FBXW7: variants seen among roughly 807,000 people sequenced by gnomAD.
FBXW7 encodes F-box and WD repeat domain containing 7.
Under a neutral mutation model 86.3 loss-of-function variants are expected in FBXW7, and 11 were observed. That is an observed-to-expected ratio of 0.13 (90% CI 0.08 to 0.21). The LOEUF (loss-of-function observed/expected upper bound fraction) is 0.21. FBXW7 is among the 10% of genes least tolerant of loss of function. The probability of loss-of-function intolerance (pLI) is 1.00; values close to 1 mark genes in which losing one functional copy is unlikely to be tolerated. For synonymous variants in FBXW7, 313 were observed against 297.9 expected (o/e 1.05, Z -0.52); for missense variants, 488 against 847.4 (o/e 0.58, Z 5.27).
intron 2 of FBXW7, among the ~76,000 whole-genome samples, chr4:152,508,873 GAA>G (rs1236974548): frequency 6.6e-6 from 1 of 151,824 alleles, no homozygotes; most frequent in Non-Finnish European, 1.5e-5. Context: ...CCACCTTAAC[GAA>G]AGGAACTGAA....
chr4:152,514,866 A>C (rs1748323749), intron 2 of FBXW7, among the ~76,000 whole-genome samples: 1 of 152,182 alleles, frequency 6.6e-6, no homozygotes, highest in Non-Finnish European at 1.5e-5. Context: ...ATTTACAGCA[A>C]CACAAAAAGA....
intron 2 of FBXW7, among the ~76,000 whole-genome samples, chr4:152,505,491 T>C (rs530479201): frequency 3.3e-5 from 5 of 152,218 alleles, no homozygotes; most frequent in Non-Finnish European, 7.3e-5. Context: ...CCTTATATCC[T>C]TATTTTATAA....
At chr4:152,501,244 C>T (rs1746920176) in intron 2 of FBXW7, among the ~76,000 whole-genome samples, 1 of 152,194 alleles carries the variant, frequency 6.6e-6, no homozygotes, top group Non-Finnish European at 1.5e-5. Flanking sequence ...TAGCAGAATG[C>T]ACTTTGGAAA....
intron 2 of FBXW7, among the ~76,000 whole-genome samples, chr4:152,470,820 T>A (rs1321775791): frequency 6.6e-6 from 1 of 152,154 alleles, no homozygotes; most frequent in East Asian, 1.9e-4. Flanking sequence ...TCACGGAGAT[T>A]AAGTCATCTG....
chr4:152,520,665 T>TA (rs1022952468), intron 2 of FBXW7, among the ~76,000 whole-genome samples: 8 of 152,228 alleles, frequency 5.3e-5, no homozygotes, highest in African/African-American at 1.9e-4. Context: ...GTAAAAATGA[T>TA]ACTACATATT....
chr4:152,498,987 CAG>C (rs1425117197), intron 2 of FBXW7, among the ~76,000 whole-genome samples: 18 of 152,122 alleles, frequency 1.2e-4, no homozygotes, highest in Middle Eastern at 3.4e-3. Flanking sequence ...AAGCTATAAA[CAG>C]AATCTATTTG....
intron 2 of FBXW7, among the ~76,000 whole-genome samples, chr4:152,513,984 T>C (rs1272442714): frequency 2.0e-5 from 3 of 152,260 alleles, no homozygotes; most frequent in African/African-American, 7.2e-5. Flanking sequence ...TACACTGATT[T>C]CAAAGATTTA....
At chr4:152,339,638 G>A (rs965755821) in intron 6 of FBXW7, among the ~76,000 whole-genome samples, 4 of 152,112 alleles carry the variant, frequency 2.6e-5, no homozygotes, top group Admixed American at 1.3e-4. Flanking sequence ...TAACTATGCT[G>A]ACTTGATTAA....
chr4:152,461,104 G>C (rs1163231887), intron 2 of FBXW7, among the ~76,000 whole-genome samples: 2 of 152,060 alleles, frequency 1.3e-5, no homozygotes, highest in Non-Finnish European at 2.9e-5. Context: ...GGCCAACATG[G>C]TGAGACCCTG....
chr4:152,505,108 T>TGCA (rs1747289384), intron 2 of FBXW7, among the ~76,000 whole-genome samples: 1 of 152,178 alleles, frequency 6.6e-6, no homozygotes, highest in African/African-American at 2.4e-5. Context: ...CTGTACTGAA[T>TGCA]ACTGTATGCA....
At chr4:152,410,973 A>C (rs1737892124) in intron 4 of FBXW7, among the ~76,000 whole-genome samples, 1 of 152,168 alleles carries the variant, frequency 6.6e-6, no homozygotes, top group Non-Finnish European at 1.5e-5. Flanking sequence ...TGATTTACAC[A>C]AATCATGTTT....
At chr4:152,480,032 T>C (rs546538813) in intron 2 of FBXW7, among the ~76,000 whole-genome samples, 58 of 152,056 alleles carry the variant, frequency 3.8e-4, no homozygotes, top group Non-Finnish European at 2.2e-4. Context: ...TTTTTTTCAA[T>C]CAAAGGTTTT....
rs192178540 is a variant in FBXW7, at chr4:152,347,985, G to A, written c.585-914C>T. On this transcript the variant is annotated intron_variant, in intron 5 of 13. Transcript: ENST00000281708. ...TAAAGACCTTGGAAAAAAAGCAGCA[G>A]GAAGGTCTGGTTTAACAAAATTATA... Among the ~76,000 whole-genome samples, 7 of 152,142 alleles carry A rather than the reference G, an allele frequency of 4.6e-5. No individual in the cohort carries two copies. In the East Asian group the frequency reaches 1.2e-3, roughly 25 times the overall value.
chr4:152,458,355 A>G (rs1490953082), intron 2 of FBXW7, among the ~76,000 whole-genome samples: 1 of 152,352 alleles, frequency 6.6e-6, no homozygotes, highest in Admixed American at 6.5e-5. Flanking sequence ...CATAGTGGTC[A>G]AAAAGAAACT....
chr4:152,426,386 G>A (rs374009566), intron 2 of FBXW7, among the ~76,000 whole-genome samples: 42 of 147,168 alleles, frequency 2.9e-4, no homozygotes, highest in African/African-American at 1.0e-3. Flanking sequence ...GTCTCGCTCT[G>A]TTGCCCAGGC....
chr4:152,382,599 G>T, intron 4 of FBXW7: 1 of 607,724 alleles, frequency 1.6e-6, no homozygotes, highest in Non-Finnish European at 2.2e-6. Flanking sequence ...CAGTCAAACA[G>T]CTGGTGAACC....
At chr4:152,341,809 ATGTG>A (rs200284555) in intron 6 of FBXW7, among the ~76,000 whole-genome samples, 1 of 152,100 alleles carries the variant, frequency 6.6e-6, no homozygotes, top group African/African-American at 2.4e-5. Context: ...CTACGTGTGT[ATGTG>A]TGTGTGTGCG....
intron 4 of FBXW7, among the ~76,000 whole-genome samples, chr4:152,370,884 A>G (rs972659185): frequency 6.6e-6 from 1 of 151,160 alleles, no homozygotes; most frequent in Non-Finnish European, 1.5e-5. Flanking sequence ...ATAAATATAT[A>G]AACACAAGAC....
intron 4 of FBXW7, among the ~76,000 whole-genome samples, chr4:152,381,739 T>C (rs1242244572): frequency 2.0e-5 from 3 of 152,142 alleles, no homozygotes; most frequent in African/African-American, 4.8e-5. Flanking sequence ...ATGTAAGGAA[T>C]AGCAATTTAA....
Sources: gnomAD v4.1 joint callset for allele counts (sites outside exome capture counted in the v4.1 genomes callset) on GRCh38, gnomAD v4.1.1 for gene constraint, MANE v1.5 for transcripts, NCBI Gene and HGNC (gene_info 2026-07-23, HGNC 2026-07-21) for gene names.